The following TIAM2 variants were observed in gnomAD, a reference collection of about 807,000 sequenced individuals.
The protein encoded by TIAM2 is TIAM Rac1 associated GEF 2.
TIAM2 carries 80 observed loss-of-function variants against 152.9 expected under a neutral mutation model. That is an observed-to-expected ratio of 0.52 (90% CI 0.44 to 0.63). The LOEUF (loss-of-function observed/expected upper bound fraction) is 0.63, where lower values mean the gene tolerates loss of function less well. TIAM2 is among the 30% of genes least tolerant of loss of function. TIAM2 has a pLI of 0.00. For missense variants in TIAM2, 1,965 were observed against 2,120.1 expected (o/e 0.93, Z 1.44); for synonymous variants, 804 against 838.0 (o/e 0.96, Z 0.70).
intron 14 of TIAM2, among the ~76,000 whole-genome samples, chr6:155,199,068 T>G (rs1781420004): frequency 9.7e-6 from 1 of 103,542 alleles, no homozygotes; most frequent in Non-Finnish European, 2.7e-5. Context: ...GTAACTTCTT[T>G]ATTTTTTTTT....
At position 155,028,856 on chromosome 6, in the gene TIAM2, CTGTATATACTATCTATACTATGT is replaced by C. The variant is rs1329398741; in HGVS notation, c.-209+33366_-209+33388del. Among the ~76,000 whole-genome samples, 549 of 126,294 alleles carry C rather than the reference CTGTATATACTATCTATACTATGT, an allele frequency of 4.3e-3. 128 individuals carry two copies. Among genetic ancestry groups the C allele is most frequent in the African/African-American group, 0.011 (380 of 33,208 alleles). 82.9% of individuals were successfully genotyped at this position (126,294 alleles called of 152,430 possible). On this transcript the variant is annotated intron_variant, in intron 1 of 26. Transcript: ENST00000682666. ...ATATATATACTATGTTATATATACA[CTGTATATACTATCTATACTATGT>C]TATATATACACTGTATATACTATCT...
intron 1 of TIAM2, among the ~76,000 whole-genome samples, chr6:155,051,886 C>T (rs932733919): frequency 1.3e-5 from 2 of 152,060 alleles, no homozygotes; most frequent in African/African-American, 4.8e-5. Flanking sequence ...GCTATCTGCC[C>T]GTCTAGGCCT....
At chr6:155,138,912 T>G (rs1779621856) in intron 5 of TIAM2, among the ~76,000 whole-genome samples, 1 of 152,156 alleles carries the variant, frequency 6.6e-6, no homozygotes, top group African/African-American at 2.4e-5. Context: ...ATGAGAAAAG[T>G]TTTTTATAAG....
At chr6:155,018,154 C>G (rs1041730142) in intron 1 of TIAM2, among the ~76,000 whole-genome samples, 1 of 151,232 alleles carries the variant, frequency 6.6e-6, no homozygotes, top group African/African-American at 2.4e-5. Context: ...GGGAGGATCA[C>G]TTGAGCCCAT....
chr6:155,251,078 C>G, intron 22 of TIAM2, 57 bp downstream of exon 22: 1 of 1,460,616 alleles, frequency 6.8e-7, no homozygotes, highest in Non-Finnish European at 9.6e-7. Context: ...TACGGAAGAA[C>G]TTCACTAGCC....
chr6:155,048,372 C>T (rs986119185), intron 1 of TIAM2, among the ~76,000 whole-genome samples: 11 of 152,118 alleles, frequency 7.2e-5, no homozygotes, highest in African/African-American at 1.9e-4. Context: ...AAATTACAGG[C>T]GTGAGCCACC....
intron 1 of TIAM2, among the ~76,000 whole-genome samples, chr6:155,016,612 T>C (rs1231131159): frequency 6.6e-6 from 1 of 151,946 alleles, no homozygotes; most frequent in East Asian, 1.9e-4. Flanking sequence ...AAAACCAGAC[T>C]GCTCGACTGG....
At chr6:155,044,011 C>T (rs901116722) in intron 1 of TIAM2, among the ~76,000 whole-genome samples, 1 of 152,064 alleles carries the variant, frequency 6.6e-6, no homozygotes, top group Non-Finnish European at 1.5e-5. Context: ...GGTTGTAATA[C>T]GATCTTGTGG....
At chr6:155,045,990 G>A (rs1777166719) in intron 1 of TIAM2, among the ~76,000 whole-genome samples, 1 of 151,824 alleles carries the variant, frequency 6.6e-6, no homozygotes, top group African/African-American at 2.4e-5. Context: ...GAGCATTGCA[G>A]GGCAGGGCTC....
chr6:155,207,072 C>T (rs927439764), intron 14 of TIAM2, among the ~76,000 whole-genome samples: 14 of 152,140 alleles, frequency 9.2e-5, no homozygotes, highest in East Asian at 3.9e-4. Flanking sequence ...GCCAGATTTT[C>T]GCCTGGGAGG....
At chr6:155,022,465 A>G (rs1434534856) in intron 1 of TIAM2, 1 of 151,982 alleles carries the variant, frequency 6.6e-6, no homozygotes, top group Non-Finnish European at 1.5e-5. Flanking sequence ...ATGCCCTGCT[A>G]ATTTTTTGTA....
At chr6:155,163,238 A>G (rs1048680505) in intron 7 of TIAM2, among the ~76,000 whole-genome samples, 1 of 152,202 alleles carries the variant, frequency 6.6e-6, no homozygotes, top group Non-Finnish European at 1.5e-5. Context: ...CTTGATTACA[A>G]GCGTTCACTT....
At chr6:155,075,973 C>T (rs1226499890) in intron 1 of TIAM2, among the ~76,000 whole-genome samples, 1 of 152,196 alleles carries the variant, frequency 6.6e-6, no homozygotes, top group African/African-American at 2.4e-5. Flanking sequence ...TAGCATCCCC[C>T]GAATACCCAC....
intron 4 of TIAM2, among the ~76,000 whole-genome samples, chr6:155,130,982 G>T (rs539550441): frequency 6.6e-6 from 1 of 152,272 alleles, no homozygotes; most frequent in East Asian, 1.9e-4. Context: ...ATTTTGGGGA[G>T]GGGGGAAACA....
intron 1 of TIAM2, among the ~76,000 whole-genome samples, chr6:155,006,498 C>G (rs1347028696): frequency 1.3e-5 from 2 of 151,652 alleles, no homozygotes; most frequent in Admixed American, 6.6e-5. Context: ...GAAACCCTGT[C>G]TCTACTCAAA....
At chr6:155,228,396 A>G (rs140021100) in intron 15 of TIAM2, among the ~76,000 whole-genome samples, 1 of 152,322 alleles carries the variant, frequency 6.6e-6, no homozygotes, top group African/African-American at 2.4e-5. Context: ...CCAATCATGA[A>G]TATATAAAAA....
chr6:155,012,725 A>G (rs1292872001), intron 1 of TIAM2, among the ~76,000 whole-genome samples: 1 of 151,958 alleles, frequency 6.6e-6, no homozygotes, highest in East Asian at 1.9e-4. Flanking sequence ...TAATCTTTGT[A>G]GTTTTAGTAG....
chr6:155,228,345 C>T (rs1017902737), intron 15 of TIAM2, among the ~76,000 whole-genome samples: 14 of 152,114 alleles, frequency 9.2e-5, no homozygotes, highest in African/African-American at 3.4e-4. Context: ...ATTTTGTCTT[C>T]AAATAAAGTG....
At chr6:155,192,322 C>A (rs1449416886) in intron 14 of TIAM2, among the ~76,000 whole-genome samples, 2 of 151,798 alleles carry the variant, frequency 1.3e-5, no homozygotes, top group South Asian at 2.1e-4. Flanking sequence ...GAAAAAAAAA[C>A]AACACAGTTC....
Sources: allele counts gnomAD v4.1 joint callset (sites outside exome capture counted in the v4.1 genomes callset), GRCh38; gene constraint gnomAD v4.1.1; transcripts MANE v1.5; gene names NCBI Gene and HGNC (gene_info 2026-07-23, HGNC 2026-07-21).